WIPI2: variants seen among roughly 807,000 people sequenced by gnomAD.
The protein encoded by WIPI2 is WD repeat domain phosphoinositide-interacting protein 2.
In WIPI2, 28 loss-of-function variants were observed where a neutral mutation model predicts 52.3. That is an observed-to-expected ratio of 0.54 (90% confidence interval 0.40 to 0.73). WIPI2 has a LOEUF of 0.73. WIPI2 is among the 30% of genes least tolerant of loss of function. The pLI is 0.00. For missense variants in WIPI2, 506 were observed against 602.9 expected (o/e 0.84, Z 1.68); for synonymous variants, 268 against 245.0 (o/e 1.09, Z -0.88).
rs769133083 is a variant in WIPI2, at chr7:5,232,595, T to G, written c.*1648T>G. The G allele has an allele frequency of 2.1e-5, 7 of 333,536 alleles. No individual in the cohort carries two copies. Among genetic ancestry groups the G allele is most frequent in the Non-Finnish European group, 3.2e-5 (6 of 185,642 alleles). 20.7% of individuals were successfully genotyped at this position (333,536 alleles called of 1,614,324 possible). A position where few individuals can be genotyped will look rare whatever the true frequency, so the allele number is the denominator to read the frequency against. On this transcript the variant is annotated 3_prime_UTR_variant, in exon 13 of 13. Transcript: ENST00000288828. ...GGACCGCCGAGGCCAGAGTGGGCTA[T>G]GCTTGAGCAGGGATGAGAAGGGCCG...
chr7:5,198,160 C>T (rs942458703), intron 2 of WIPI2, among the ~76,000 whole-genome samples: 1 of 152,138 alleles, frequency 6.6e-6, no homozygotes, highest in Admixed American at 6.5e-5. Context: ...TCTAAGGTAG[C>T]TTTGGAGTCC....
chr7:5,226,999 A>G (rs1196449796), intron 9 of WIPI2, 181 bp from the exon 10 acceptor site: 1 of 761,572 alleles, frequency 1.3e-6, no homozygotes, highest in Admixed American at 2.8e-5. Flanking sequence ...CACCTCCCAG[A>G]GGAAGCTCCG....
intron 3 of WIPI2, among the ~76,000 whole-genome samples, chr7:5,209,734 C>T (rs569079422): frequency 3.2e-4 from 48 of 152,086 alleles, no homozygotes; most frequent in Non-Finnish European, 6.8e-4. Context: ...TTTCCTTCTT[C>T]AGGTGACCAG....
At position 5,220,960 on chromosome 7, in the gene WIPI2, A is replaced by ATTT. The variant is rs11361126; in HGVS notation, c.670-1623_670-1621dup. ...AGGTGCGTGCCACCACACCCACCTAATTTTTTTTTTTTTTTTTTTTTGAGA... is the reference window on the plus strand; with the variant it reads ...AGGTGCGTGCCACCACACCCACCTAATTTTTTTTTTTTTTTTTTTTTTTTGAGA... On this transcript the variant is annotated intron_variant, in intron 7 of 12. Coordinates refer to ENST00000288828, the MANE Select transcript of WIPI2 (RefSeq NM_015610.4). Among the ~76,000 whole-genome samples, 78 of 107,538 alleles carry ATTT rather than the reference A, an allele frequency of 7.3e-4. 1 individual carries two copies. Among genetic ancestry groups the ATTT allele is most frequent in the Non-Finnish European group, 1.1e-3 (60 of 55,718 alleles). The allele number at this position is 107,538 out of a possible 152,430, so 70.5% of individuals were successfully genotyped here.
chr7:5,194,918 A>G (rs1326917957), intron 2 of WIPI2, among the ~76,000 whole-genome samples: 1 of 152,172 alleles, frequency 6.6e-6, no homozygotes, highest in Non-Finnish European at 1.5e-5. Context: ...AAACTGCAGA[A>G]TCCCCTCCAG....
Position 5,232,614 on chromosome 7 carries a change from A to C in WIPI2, c.*1667A>C. On this transcript the variant is annotated 3_prime_UTR_variant, in exon 13 of 13. Transcript: ENST00000288828. Reference sequence around the variant, plus strand: ...GGGCTATGCTTGAGCAGGGATGAGAAGGGCCGCGGCAGCACGCAGCCTTGA... The same window carrying C: ...GGGCTATGCTTGAGCAGGGATGAGACGGGCCGCGGCAGCACGCAGCCTTGA... 1 of 302,986 alleles carries C rather than the reference A, an allele frequency of 3.3e-6. No individual in the cohort carries two copies. Among genetic ancestry groups the C allele is most frequent in the Non-Finnish European group, 6.0e-6 (1 of 165,920 alleles). The allele number at this position is 302,986 out of a possible 1,614,324, so 18.8% of individuals were successfully genotyped here.
Position 5,227,464 on chromosome 7 carries a change from T to C in WIPI2, c.1013+120T>C, listed in dbSNP as rs1023606085. On this transcript the variant is annotated intron_variant, in intron 10 of 12. Coordinates refer to ENST00000288828, the MANE Select transcript of WIPI2 (RefSeq NM_015610.4). The surrounding 1 kb of genome is among the most constrained non-coding windows in gnomAD (Gnocchi z 8.1). ...AGGAGCAGCTTCTTAGAGCCGACAC[T>C]CCATCGAGAGTTGTCGGGGATGGGA... 2 of 1,366,372 alleles carry C rather than the reference T, an allele frequency of 1.5e-6. No homozygotes were observed. Among genetic ancestry groups the C allele is most frequent in the African/African-American group, 2.9e-5 (2 of 68,646 alleles). 84.6% of individuals were successfully genotyped at this position (1,366,372 alleles called of 1,614,324 possible).
At chr7:5,195,894 C>A (rs1781724214) in intron 2 of WIPI2, among the ~76,000 whole-genome samples, 1 of 151,642 alleles carries the variant, frequency 6.6e-6, no homozygotes, top group Non-Finnish European at 1.5e-5. Context: ...CAAAAATTAG[C>A]CGGGTGTGAT....
In WIPI2 at chr7:5,232,578, G is replaced by A. The variant is rs547682252; in HGVS notation, c.*1631G>A. The A allele has an allele frequency of 1.1e-5, 4 of 355,150 alleles. No individual in the cohort carries two copies. The highest frequency in any genetic ancestry group is 8.3e-5 in the East Asian group (2 of 24,228). The allele number at this position is 355,150 out of a possible 1,614,324, so 22.0% of individuals were successfully genotyped here. On this transcript the variant is annotated 3_prime_UTR_variant, in exon 13 of 13. Coordinates refer to ENST00000288828, the MANE Select transcript of WIPI2 (RefSeq NM_015610.4). ...GCAGGCTGAGACAGTGGGGACCGCC[G>A]AGGCCAGAGTGGGCTATGCTTGAGC...
At chr7:5,222,231 G>GA (rs1246084252) in intron 7 of WIPI2, among the ~76,000 whole-genome samples, 2 of 152,232 alleles carry the variant, frequency 1.3e-5, no homozygotes, top group Non-Finnish European at 2.9e-5. Flanking sequence ...TTACAGGCGT[G>GA]AGCCACCACG....
In WIPI2 at chr7:5,216,568, G is replaced by A. The variant is rs1782824200; in HGVS notation, c.387G>A (p.Leu129=). ...TCGTTTTGTCTCTCGCCTAGAGGCT[G>A]ATAGTATGCCTGGAGGAGTCCCTGT... ...ILAVKLNRQR[L]IVCLEESLYI... is the part of the protein sequence containing the mutation. The change falls in exon 5 of 13, where the codon CTG becomes CTA. Residue 129 remains leucine, a synonymous_variant. Coordinates refer to ENST00000288828, the MANE Select transcript of WIPI2 (RefSeq NM_015610.4). 2.5e-6 allele frequency: 4 copies of A among 1,614,060 alleles called. No individual in the cohort carries two copies. In the African/African-American group the frequency reaches 4.0e-5, roughly 16 times the overall value.
chr7:5,199,327 C>A (rs996970875), intron 2 of WIPI2, among the ~76,000 whole-genome samples: 2 of 152,228 alleles, frequency 1.3e-5, no homozygotes, highest in Non-Finnish European at 2.9e-5. Flanking sequence ...CAGGCATGAG[C>A]CACCACATCC....
intron 6 of WIPI2, 22 bp downstream of exon 6, chr7:5,217,209 A>C: frequency 6.2e-7 from 1 of 1,613,110 alleles, no homozygotes; most frequent in African/African-American, 1.3e-5. Context: ...TTCCTGCTCG[A>C]ATAGCTCTCT....
intron 2 of WIPI2, 128 bp from the exon 3 acceptor site, chr7:5,199,448 C>T: frequency 1.4e-6 from 1 of 721,856 alleles, no homozygotes; most frequent in South Asian, 1.7e-5. Context: ...AAATGATTTG[C>T]TCTGTGCTGA....
intron 3 of WIPI2, among the ~76,000 whole-genome samples, chr7:5,201,340 A>C (rs1782016805): frequency 6.6e-6 from 1 of 152,240 alleles, no homozygotes. Flanking sequence ...AAGAATGCCA[A>C]AACCTGGTCT....
intron 1 of WIPI2, among the ~76,000 whole-genome samples, chr7:5,191,149 A>G (rs757929824): frequency 1.8e-4 from 27 of 152,114 alleles, no homozygotes; most frequent in Non-Finnish European, 2.9e-4. Context: ...CCTCCCGAGT[A>G]GCTGAGACTA....
rs779352871 is a variant in WIPI2 at position 5,225,844 on chromosome 7, G to A, written c.762G>A (p.Leu254=). ...CCAGGTGCGTGAGCATCTGCTCCCTGGCCTTCAGCATGGACGGCATGTTCC... is the reference window on the plus strand; with the variant it reads ...CCAGGTGCGTGAGCATCTGCTCCCTAGCCTTCAGCATGGACGGCATGTTCC... ...GVKRCVSICS[L]AFSMDGMFLS... Residue 254 remains leucine, a synonymous_variant, in exon 9 of 13, where the codon CTG becomes CTA. Coordinates refer to ENST00000288828, the MANE Select transcript of WIPI2 (RefSeq NM_015610.4). The A allele has an allele frequency of 5.0e-6, 8 of 1,613,070 alleles. No homozygotes were observed. The African/African-American group carries it at 9.3e-5, about 19-fold the overall frequency.
chr7:5,222,697 G>C, intron 8 of WIPI2, 25 bp downstream of exon 8: 1 of 1,582,124 alleles, frequency 6.3e-7, no homozygotes, highest in Non-Finnish European at 8.7e-7. Context: ...TGTCCAGAAT[G>C]GATTCTGGAG....
At chr7:5,191,016 T>G (rs1239606435) in intron 1 of WIPI2, among the ~76,000 whole-genome samples, 1 of 151,118 alleles carries the variant, frequency 6.6e-6, no homozygotes, top group African/African-American at 2.4e-5. Flanking sequence ...TTGTTTTTGT[T>G]TTTTGGGGTT....
Sources: allele counts gnomAD v4.1 joint callset (sites outside exome capture counted in the v4.1 genomes callset), GRCh38; gene constraint gnomAD v4.1.1; non-coding constraint Gnocchi (gnomAD v3.1); transcripts MANE v1.5; gene names NCBI Gene and HGNC (gene_info 2026-07-23, HGNC 2026-07-21).